PKN2: variants seen among roughly 807,000 people sequenced by gnomAD.
PKN2 encodes the protein protein kinase N2.
PKN2 carries 38 observed loss-of-function variants against 119.1 expected under a neutral mutation model. The ratio of observed to expected loss-of-function variants is 0.32; its 90% CI spans 0.25 to 0.42. PKN2 has a LOEUF of 0.42. Among genes scored for constraint, PKN2 ranks in the 10% least tolerant of loss-of-function variants. The pLI is 1.00. For synonymous variants in PKN2, 390 were observed against 384.9 expected, an observed-to-expected ratio of 1.01 and a Z score of -0.15; for missense variants, 850 against 1,165.1, an observed-to-expected ratio of 0.73 and a Z score of 3.94.
chr1:88,814,728 A>T (rs901035095), intron 16 of PKN2, among the ~76,000 whole-genome samples: 6 of 152,064 alleles, frequency 3.9e-5, no homozygotes, highest in African/African-American at 1.4e-4. Flanking sequence ...TTTTTCCTTT[A>T]ACTTCAACAC....
At chr1:88,772,803 G>A (rs1305053474) in intron 6 of PKN2, among the ~76,000 whole-genome samples, 2 of 152,154 alleles carry the variant, frequency 1.3e-5, no homozygotes, top group African/African-American at 4.8e-5. Context: ...AATGTATAAA[G>A]TGGGTTTCAG....
chr1:88,807,719 G>A lies in PKN2; in HGVS notation c.2046G>A (p.Met682Ile), dbSNP rs1671606686. Residue 682 changes from methionine (M) to isoleucine (I), a missense_variant, in exon 15 of 22, where the codon ATG (methionine) becomes ATA (isoleucine). This residue lies in a region of PKN2 where 216 missense variants were observed against 252.8 expected (regional missense o/e 0.85). Coordinates refer to ENST00000370521, the MANE Select transcript of PKN2 (RefSeq NM_006256.4). ...CTGAATATAAAAACACAAATGAGAT[G>A]TTTGCTATAAAAGCCTTAAAGAAAG... is the stretch of plus-strand genomic sequence containing the variant. ...LLAEYKNTNE[M>I]FAIKALKKGD... 1.2e-6 allele frequency: 2 copies of A among 1,603,458 alleles called. No individual in the cohort carries two copies. Among genetic ancestry groups the A allele is most frequent in the Non-Finnish European group, 1.7e-6 (2 of 1,173,924 alleles).
intron 2 of PKN2, among the ~76,000 whole-genome samples, 163 bp downstream of exon 2, chr1:88,741,451 G>A (rs1281289960): frequency 6.6e-6 from 1 of 151,988 alleles, no homozygotes; most frequent in Admixed American, 6.6e-5. Context: ...TGTTTAGAAG[G>A]GCAGGAGTTG....
intron 1 of PKN2, among the ~76,000 whole-genome samples, chr1:88,736,863 A>G (rs949253348): frequency 6.6e-5 from 10 of 152,084 alleles, no homozygotes; most frequent in African/African-American, 2.4e-5. Flanking sequence ...GTGAATTCAC[A>G]GTTGGTTTGT....
At chr1:88,715,561 GTTTATAGTA>G in intron 1 of PKN2, among the ~76,000 whole-genome samples, 1 of 152,196 alleles carries the variant, frequency 6.6e-6, no homozygotes, top group East Asian at 1.9e-4. Context: ...GCCTAGAGGT[GTTTATAGTA>G]TTCTCTGATG....
intron 1 of PKN2, among the ~76,000 whole-genome samples, chr1:88,726,014 G>C (rs1667884603): frequency 6.6e-6 from 1 of 152,192 alleles, no homozygotes; most frequent in African/African-American, 2.4e-5. Context: ...GTCATTGTTA[G>C]TATATAGAAG....
rs1468408616 is a variant in PKN2, at chr1:88,833,931, TTACTG to T, written c.*486_*490del. On this transcript the variant is annotated 3_prime_UTR_variant, in exon 22 of 22. Coordinates refer to ENST00000370521, the MANE Select transcript of PKN2 (RefSeq NM_006256.4). Reference sequence around the variant, plus strand: ...GCTCCTTTTTTTAAAAAAAAAGACATTACTGTAATATCAAAAACCGTGGCAGTTTG... The same window carrying T: ...GCTCCTTTTTTTAAAAAAAAAGACATTAATATCAAAAACCGTGGCAGTTTG... The T allele has an allele frequency of 2.0e-5, 3 of 152,158 alleles. No individual in the cohort carries two copies. The highest frequency in any genetic ancestry group is 4.8e-5 in the African/African-American group (2 of 41,382). The allele number at this position is 152,158 out of a possible 1,614,324, so 9.4% of individuals were successfully genotyped here. A position where few individuals can be genotyped will look rare whatever the true frequency, so the allele number is the denominator to read the frequency against.
chr1:88,811,293 T>A (rs573162570), intron 15 of PKN2, among the ~76,000 whole-genome samples: 39 of 152,356 alleles, frequency 2.6e-4, no homozygotes, highest in Non-Finnish European at 4.6e-4. Flanking sequence ...CCAGCTTATG[T>A]AGGATTCAAT....
At chr1:88,819,826 C>T (rs958040577) in intron 16 of PKN2, among the ~76,000 whole-genome samples, 1 of 151,926 alleles carries the variant, frequency 6.6e-6, no homozygotes, top group Non-Finnish European at 1.5e-5. Context: ...TACTATACAG[C>T]CATAAAAAAT....
intron 3 of PKN2, among the ~76,000 whole-genome samples, chr1:88,761,338 A>G (rs1310884482): frequency 1.3e-5 from 2 of 151,954 alleles, no homozygotes; most frequent in East Asian, 3.8e-4. Context: ...CTGGAAATCA[A>G]TTTTTTTATT....
intron 2 of PKN2, among the ~76,000 whole-genome samples, chr1:88,755,603 A>G (rs1669165150): frequency 6.6e-6 from 1 of 152,142 alleles, no homozygotes; most frequent in African/African-American, 2.4e-5. Context: ...TTGTAATATT[A>G]TTGAGCCCTT....
intron 4 of PKN2, 39 bp downstream of exon 4, chr1:88,770,508 G>A: frequency 3.8e-6 from 4 of 1,051,126 alleles, no homozygotes; most frequent in Non-Finnish European, 6.0e-6. Context: ...TGAGCATAAT[G>A]GTGCTAAATA....
At chr1:88,803,966 A>G (rs1480177663) in intron 8 of PKN2, among the ~76,000 whole-genome samples, 1 of 152,206 alleles carries the variant, frequency 6.6e-6, no homozygotes, top group Non-Finnish European at 1.5e-5. Flanking sequence ...TGGCTTAGCA[A>G]TGAGACAAAT....
intron 16 of PKN2, among the ~76,000 whole-genome samples, chr1:88,820,403 C>G (rs975522533): frequency 1.3e-5 from 2 of 150,194 alleles, no homozygotes; most frequent in Non-Finnish European, 3.0e-5. Flanking sequence ...CGTGGTGGCA[C>G]ATGCCTATAA....
chr1:88,762,768 A>G (rs1055505331), intron 3 of PKN2, among the ~76,000 whole-genome samples: 2 of 152,178 alleles, frequency 1.3e-5, no homozygotes, highest in Non-Finnish European at 2.9e-5. Context: ...TGCCAATAAA[A>G]TCTTTTAAGT....
At chr1:88,795,100 A>G (rs1233645979) in intron 8 of PKN2, among the ~76,000 whole-genome samples, 2 of 152,122 alleles carry the variant, frequency 1.3e-5, no homozygotes, top group Non-Finnish European at 2.9e-5. Flanking sequence ...CAAGTTTTCT[A>G]CCCCACGTCA....
intron 1 of PKN2, among the ~76,000 whole-genome samples, chr1:88,705,848 GTATT>G (rs1474447036): frequency 6.6e-6 from 1 of 151,682 alleles, no homozygotes; most frequent in Non-Finnish European, 1.5e-5. Flanking sequence ...GTCCCATGCT[GTATT>G]TATTAATTTT....
At chr1:88,762,078 T>C (rs1345996534) in intron 3 of PKN2, among the ~76,000 whole-genome samples, 4 of 152,178 alleles carry the variant, frequency 2.6e-5, no homozygotes, top group African/African-American at 9.7e-5. Context: ...TTTGAAGTTA[T>C]AGGAAAAGCA....
chr1:88,757,531 G>A (rs920181752), intron 2 of PKN2, among the ~76,000 whole-genome samples: 7 of 152,130 alleles, frequency 4.6e-5, no homozygotes, highest in African/African-American at 1.7e-4. Context: ...AAAATGGTTA[G>A]TCACACCATC....
Sources: gnomAD v4.1 joint callset for allele counts (sites outside exome capture counted in the v4.1 genomes callset) on GRCh38, gnomAD v4.1.1 for gene constraint, gnomAD v4.1.1 regional missense constraint, MANE v1.5 for transcripts, NCBI Gene and HGNC (gene_info 2026-07-23, HGNC 2026-07-21) for gene names.